The following MBD5 variants were observed in gnomAD, a reference collection of about 807,000 sequenced individuals.
MBD5 encodes the protein methyl-CpG binding domain protein 5, also known as methyl-CpG-binding domain protein 5.
A neutral mutation model predicts 117.3 loss-of-function variants in MBD5; 13 were observed. The observed-to-expected ratio is 0.11, with a 90% CI of 0.07 to 0.18. MBD5 has a LOEUF of 0.18. Ranked by LOEUF, MBD5 falls within the 10% of genes least tolerant of loss-of-function variation. The probability of loss-of-function intolerance (pLI) is 1.00; values close to 1 mark genes in which losing one functional copy is unlikely to be tolerated. For missense variants in MBD5, 1,879 were observed against 2,093.8 expected (o/e 0.90, Z 2.00); for synonymous variants, 727 against 766.4 (o/e 0.95, Z 0.85).
At chr2:148,345,343 A>G (rs1211690788) in intron 4 of MBD5, among the ~76,000 whole-genome samples, 1 of 149,498 alleles carries the variant, frequency 6.7e-6, no homozygotes, top group East Asian at 2.0e-4. Flanking sequence ...ATATACACAT[A>G]TACATATACA....
chr2:148,133,048 AT>A (rs752085314), intron 1 of MBD5, among the ~76,000 whole-genome samples: 1 of 152,192 alleles, frequency 6.6e-6, no homozygotes, highest in Admixed American at 6.5e-5. Context: ...CAAAAACAGC[AT>A]TTTTATTGAA....
At chr2:148,290,156 C>T (rs1208475926) in intron 3 of MBD5, among the ~76,000 whole-genome samples, 2 of 147,750 alleles carry the variant, frequency 1.4e-5, no homozygotes, top group African/African-American at 5.0e-5. Context: ...CAGTGTTTCA[C>T]CACGTTGGCC....
intron 2 of MBD5, among the ~76,000 whole-genome samples, chr2:148,182,285 AAT>A (rs1288732365): frequency 1.2e-4 from 18 of 152,188 alleles, no homozygotes; most frequent in Non-Finnish European, 2.5e-4. Flanking sequence ...ATGTTAAAAT[AAT>A]TATAAGGTAT....
At chr2:148,341,204 T>C (rs2105139774) in intron 3 of MBD5, among the ~76,000 whole-genome samples, 1 of 152,118 alleles carries the variant, frequency 6.6e-6, no homozygotes, top group East Asian at 1.9e-4. Flanking sequence ...TGATGGGTGT[T>C]TATTGAATGG....
chr2:148,188,448 G>T (rs1010529716), intron 2 of MBD5, among the ~76,000 whole-genome samples: 1 of 152,118 alleles, frequency 6.6e-6, no homozygotes, highest in African/African-American at 2.4e-5. Context: ...CACTTTGGGA[G>T]GCCAAGGGAG....
intron 2 of MBD5, among the ~76,000 whole-genome samples, chr2:148,197,336 G>C (rs1337393074): frequency 6.6e-6 from 1 of 152,140 alleles, no homozygotes; most frequent in East Asian, 1.9e-4. Flanking sequence ...AAGTGGAGCA[G>C]AGACAAACTA....
At chr2:148,308,487 CTTTCTTTTTTTTTTTT>C (rs1701949120) in intron 3 of MBD5, among the ~76,000 whole-genome samples, 2 of 27,698 alleles carry the variant, frequency 7.2e-5, no homozygotes, top group South Asian at 1.5e-3. Flanking sequence ...TGATGGGGTT[CTTTCTTTTTTTTTTTT>C]TTTTTTTTTT....
chr2:148,170,485 T>A (rs1698239040), intron 1 of MBD5, among the ~76,000 whole-genome samples: 1 of 152,236 alleles, frequency 6.6e-6, no homozygotes, highest in Admixed American at 6.5e-5. Context: ...ATTGACTGTT[T>A]GATTTCTGTT....
chr2:148,349,388 A>G (rs983733608), intron 4 of MBD5, among the ~76,000 whole-genome samples: 1 of 152,076 alleles, frequency 6.6e-6, no homozygotes, highest in African/African-American at 2.4e-5. Flanking sequence ...ATATCATCAG[A>G]TTGTTACTAC....
chr2:148,430,763 A>G (rs1384771661), intron 4 of MBD5, among the ~76,000 whole-genome samples: 1 of 152,238 alleles, frequency 6.6e-6, no homozygotes, highest in East Asian at 1.9e-4. Flanking sequence ...TGAAAAATCA[A>G]CCTTAAACTC....
At chr2:148,480,399 G>A (rs937993735) in intron 8 of MBD5, among the ~76,000 whole-genome samples, 1 of 152,118 alleles carries the variant, frequency 6.6e-6, no homozygotes, top group Admixed American at 6.5e-5. Flanking sequence ...ACAAAGCCTT[G>A]CCATGTACAC....
At position 148,468,657 on chromosome 2, in the gene MBD5, T is replaced by C. The variant is rs1320039498; in HGVS notation, c.714T>C (p.Ser238=). Residue 238 remains serine (S), a synonymous_variant, in exon 8 of 14, where the codon TCT becomes TCC. Transcript: ENST00000642680. Reference sequence around the variant, plus strand: ...AGATATATGGAGATGGTTCAATCTCTCCAAGGACTGACCCACTTGGAAGTC... The same window carrying C: ...AGATATATGGAGATGGTTCAATCTCCCCAAGGACTGACCCACTTGGAAGTC... The part of the protein sequence containing the change: ...GSQIYGDGSI[S]PRTDPLGSPD... 6.2e-7 allele frequency: 1 copy of C among 1,613,758 alleles called. No individual in the cohort carries two copies. Among genetic ancestry groups the C allele is most frequent in the African/African-American group, 1.3e-5 (1 of 74,868 alleles).
intron 4 of MBD5, among the ~76,000 whole-genome samples, chr2:148,453,115 T>C (rs1574440666): frequency 6.6e-6 from 1 of 152,256 alleles, no homozygotes. Context: ...TGGGGAGAGC[T>C]AGTCAATAAA....
intron 1 of MBD5, among the ~76,000 whole-genome samples, chr2:148,109,653 G>A (rs544807454): frequency 6.6e-6 from 1 of 152,080 alleles, no homozygotes; most frequent in Non-Finnish European, 1.5e-5. Flanking sequence ...TCATCAAATT[G>A]TGTACATTTA....
intron 3 of MBD5, among the ~76,000 whole-genome samples, chr2:148,250,517 C>G (rs1700440926): frequency 6.6e-6 from 1 of 152,182 alleles, no homozygotes; most frequent in Non-Finnish European, 1.5e-5. Context: ...TTGAAGACAA[C>G]TAGGGCTTTT....
intron 4 of MBD5, among the ~76,000 whole-genome samples, chr2:148,377,080 A>AG (rs980467512): frequency 6.6e-6 from 1 of 151,382 alleles, no homozygotes; most frequent in Non-Finnish European, 1.5e-5. Flanking sequence ...ATATATATAA[A>AG]GGGGAGTTTA....
At chr2:148,210,886 C>T (rs1202657230) in intron 2 of MBD5, among the ~76,000 whole-genome samples, 1 of 151,884 alleles carries the variant, frequency 6.6e-6, no homozygotes, top group African/African-American at 2.4e-5. Context: ...TTAAAAAAAT[C>T]CTGTCTTTAG....
intron 4 of MBD5, among the ~76,000 whole-genome samples, chr2:148,451,342 T>TA (rs1162076469): frequency 6.6e-6 from 1 of 152,030 alleles, no homozygotes; most frequent in Non-Finnish European, 1.5e-5. Context: ...TTGCACAGTT[T>TA]AAAAAATATG....
chr2:148,042,180 A>T (rs1694379104), intron 1 of MBD5, among the ~76,000 whole-genome samples: 1 of 152,196 alleles, frequency 6.6e-6, no homozygotes, highest in African/African-American at 2.4e-5. Context: ...AGAGATGTGG[A>T]ATTTCTCTTT....
Sources: gnomAD v4.1 joint callset for allele counts (sites outside exome capture counted in the v4.1 genomes callset) on GRCh38, gnomAD v4.1.1 for gene constraint, MANE v1.5 for transcripts, NCBI Gene and HGNC (gene_info 2026-07-23, HGNC 2026-07-21) for gene names.